PPM1E: variants seen among roughly 807,000 people sequenced by gnomAD.
PPM1E encodes the protein protein phosphatase 1E.
In PPM1E, 20 loss-of-function variants were observed where a neutral mutation model predicts 65.9. The observed-to-expected ratio is 0.30, with a 90% CI of 0.21 to 0.44. The LOEUF (loss-of-function observed/expected upper bound fraction) is 0.44, where lower values mean the gene tolerates loss of function less well. Ranked by LOEUF, PPM1E falls within the 20% of genes least tolerant of loss-of-function variation. The pLI, the probability that PPM1E is intolerant of heterozygous loss-of-function variation, is 1.00. For synonymous variants in PPM1E, 352 were observed against 374.9 expected, an observed-to-expected ratio of 0.94 and a Z score of 0.70; for missense variants, 713 against 953.1, an observed-to-expected ratio of 0.75 and a Z score of 3.32.
At chr17:58,767,872 C>T (rs750699713) in intron 1 of PPM1E, among the ~76,000 whole-genome samples, 2 of 152,016 alleles carry the variant, frequency 1.3e-5, no homozygotes, top group African/African-American at 2.4e-5. Flanking sequence ...GAACTCCCGA[C>T]CTCAGGTGAT....
At chr17:58,885,109 T>G (rs191679138) in intron 1 of PPM1E, among the ~76,000 whole-genome samples, 62 of 152,278 alleles carry the variant, frequency 4.1e-4, no homozygotes, top group Non-Finnish European at 4.9e-4. Flanking sequence ...CAGGCCGGAG[T>G]GCAGTGGCGT....
At chr17:58,850,238 A>G (rs1164370197) in intron 1 of PPM1E, among the ~76,000 whole-genome samples, 1 of 152,038 alleles carries the variant, frequency 6.6e-6, no homozygotes, top group Non-Finnish European at 1.5e-5. Context: ...CCAATTTGGC[A>G]GTCTGTGTCT....
rs67568496 is a variant in PPM1E, at chr17:58,816,741, AATATATATATATATATATATATAT to A, written c.464+60311_464+60334del. ...ATGTTGTAGCATGTATCAGAATATA[AATATATATATATATATATATATAT>A]ATATATATATATATATATATATATA... On this transcript the variant is annotated intron_variant, in intron 1 of 6. Transcript: ENST00000308249. Among the ~76,000 whole-genome samples, 289 of 85,264 alleles carry A rather than the reference AATATATATATATATATATATATAT, an allele frequency of 3.4e-3. 12 individuals carry two copies. The highest frequency in any genetic ancestry group is 8.5e-3 in the African/African-American group (187 of 21,894). 55.9% of individuals were successfully genotyped at this position (85,264 alleles called of 152,430 possible). A position where few individuals can be genotyped will look rare whatever the true frequency, so the allele number is the denominator to read the frequency against.
intron 2 of PPM1E, among the ~76,000 whole-genome samples, chr17:58,965,480 A>C (rs942693404): frequency 6.6e-6 from 1 of 152,138 alleles, no homozygotes; most frequent in Non-Finnish European, 1.5e-5. Context: ...TGACATAAGA[A>C]TATTTAGTGG....
rs1328488433 is a variant in PPM1E, at chr17:58,940,036, A to G, written c.465-15613A>G. On this transcript the variant is annotated intron_variant, in intron 1 of 6. Coordinates refer to ENST00000308249, the MANE Select transcript of PPM1E (RefSeq NM_014906.5). ...CAGTGTTCTCAACACAATGACATTT[A>G]TAAACCTAGTACTCCAAACTGCTAT... Among the ~76,000 whole-genome samples the G allele has an allele frequency of 3.3e-5, 5 of 152,344 alleles. No homozygotes were observed. The East Asian group carries it at 5.8e-4, about 18-fold the overall frequency.
At chr17:58,888,726 TCAG>T (rs1310242278) in intron 1 of PPM1E, among the ~76,000 whole-genome samples, 2 of 152,196 alleles carry the variant, frequency 1.3e-5, no homozygotes, top group Non-Finnish European at 2.9e-5. Context: ...GAATTTGAAA[TCAG>T]CAGAAAACTT....
intron 2 of PPM1E, among the ~76,000 whole-genome samples, chr17:58,961,528 T>A (rs751977771): frequency 6.6e-6 from 1 of 152,236 alleles, no homozygotes; most frequent in Non-Finnish European, 1.5e-5. Flanking sequence ...AGAGCTTTAA[T>A]AGACAGCGTG....
At chr17:58,872,627 A>T (rs930466753) in intron 1 of PPM1E, among the ~76,000 whole-genome samples, 16 of 152,178 alleles carry the variant, frequency 1.1e-4, no homozygotes, top group African/African-American at 3.9e-4. Flanking sequence ...CTGGTTGCTG[A>T]AGGGTCAGAG....
At chr17:58,770,119 C>T (rs1050486652) in intron 1 of PPM1E, among the ~76,000 whole-genome samples, 16 of 152,070 alleles carry the variant, frequency 1.1e-4, no homozygotes, top group African/African-American at 3.6e-4. Flanking sequence ...GATTATAACC[C>T]TCACCATTGT....
At position 58,792,743 on chromosome 17, in the gene PPM1E, C is replaced by CTTTTTTTTTTTTTTTTT. The variant is rs780992600; in HGVS notation, c.464+36295_464+36311dup. On this transcript the variant is annotated intron_variant, in intron 1 of 6. Transcript: ENST00000308249. ...TATTTTATTTTATAAGAATTTTACT[C>CTTTTTTTTTTTTTTTTT]TTTTTTTTTTTTTTTTTTTTTTTTT... 3.9e-5 allele frequency among the ~76,000 whole-genome samples: 3 copies of CTTTTTTTTTTTTTTTTT among 76,382 alleles called. 1 individual carries two copies. Among genetic ancestry groups the CTTTTTTTTTTTTTTTTT allele is most frequent in the African/African-American group, 1.3e-4 (2 of 15,632 alleles). 50.1% of individuals were successfully genotyped at this position (76,382 alleles called of 152,430 possible). A position where few individuals can be genotyped will look rare whatever the true frequency, so the allele number is the denominator to read the frequency against.
intron 1 of PPM1E, among the ~76,000 whole-genome samples, chr17:58,848,074 C>CTT (rs1168218067): frequency 6.6e-6 from 1 of 152,050 alleles, no homozygotes; most frequent in African/African-American, 2.4e-5. Context: ...CTCTGTTTGT[C>CTT]TGTTATTGGT....
chr17:58,858,790 A>G (rs772130882), intron 1 of PPM1E, among the ~76,000 whole-genome samples: 3 of 152,216 alleles, frequency 2.0e-5, no homozygotes, highest in Non-Finnish European at 2.9e-5. Flanking sequence ...TGGAATGAAC[A>G]TGGGGGTACA....
At chr17:58,884,981 A>G (rs2051248742) in intron 1 of PPM1E, among the ~76,000 whole-genome samples, 1 of 151,910 alleles carries the variant, frequency 6.6e-6, no homozygotes, top group African/African-American at 2.4e-5. Context: ...TTTCTTTCAT[A>G]CTTTTCATCT....
At chr17:58,946,806 C>G (rs921668859) in intron 1 of PPM1E, among the ~76,000 whole-genome samples, 1 of 152,086 alleles carries the variant, frequency 6.6e-6, no homozygotes, top group African/African-American at 2.4e-5. Context: ...ATTTGTGATA[C>G]AAAAGTTTTA....
rs987444727 is a variant in PPM1E at position 58,982,371 on chromosome 17, G to A, written c.*1340G>A. 6.6e-6 allele frequency: 1 copy of A among 152,338 alleles called. No individual in the cohort carries two copies. The highest frequency in any genetic ancestry group is 2.4e-5 in the African/African-American group (1 of 41,452). The allele number at this position is 152,338 out of a possible 1,614,324, so 9.4% of individuals were successfully genotyped here. On this transcript the variant is annotated 3_prime_UTR_variant, in exon 7 of 7. Transcript: ENST00000308249. ...AGTGAAGCAGCCTCTGATTCTCTAA[G>A]AGTCACGAATGTCTTAGTGTTACCC...
rs1462647226 is a variant in PPM1E, at chr17:58,816,769, TATATATATATATATATATATA to T, written c.464+60309_464+60329del. 9.6e-3 allele frequency among the ~76,000 whole-genome samples: 153 copies of T among 15,924 alleles called. 5 individuals carry two copies. Among genetic ancestry groups the T allele is most frequent in the African/African-American group, 0.03 (136 of 4,504 alleles). The allele number at this position is 15,924 out of a possible 152,430, so 10.4% of individuals were successfully genotyped here. On this transcript the variant is annotated intron_variant, in intron 1 of 6. Transcript: ENST00000308249. Reference sequence around the variant, plus strand: ...ATATATATATATATATATATATATATATATATATATATATATATATATATATTTTTTTTTTTTTTTTTTTGA... The same window carrying T: ...ATATATATATATATATATATATATATTATATTTTTTTTTTTTTTTTTTTGA...
intron 1 of PPM1E, among the ~76,000 whole-genome samples, chr17:58,788,750 A>G (rs573099143): frequency 1.5e-4 from 23 of 152,314 alleles, no homozygotes; most frequent in African/African-American, 5.5e-4. Flanking sequence ...TTTAAGTCTG[A>G]TCCTCTTCCT....
At chr17:58,826,026 T>C (rs2050532144) in intron 1 of PPM1E, among the ~76,000 whole-genome samples, 1 of 151,908 alleles carries the variant, frequency 6.6e-6, no homozygotes, top group Non-Finnish European at 1.5e-5. Context: ...TGGTGGCTTA[T>C]GCCTGTAATC....
chr17:58,878,809 T>C (rs1206058854), intron 1 of PPM1E, among the ~76,000 whole-genome samples: 1 of 151,126 alleles, frequency 6.6e-6, no homozygotes, highest in Non-Finnish European at 1.5e-5. Context: ...GTGCATTGCC[T>C]GTAGTCCCAG....
Sources: allele counts gnomAD v4.1 joint callset (sites outside exome capture counted in the v4.1 genomes callset), GRCh38; gene constraint gnomAD v4.1.1; transcripts MANE v1.5; gene names NCBI Gene and HGNC (gene_info 2026-07-23, HGNC 2026-07-21).